The following SLC4A10 variants were observed in gnomAD, a reference collection of about 807,000 sequenced individuals.
SLC4A10 encodes solute carrier family 4 member 10.
Under a neutral mutation model 137.7 loss-of-function variants are expected in SLC4A10, and 42 were observed. The observed-to-expected ratio is 0.30, with a 90% CI of 0.24 to 0.39. The LOEUF (loss-of-function observed/expected upper bound fraction) is 0.39. Ranked by LOEUF, SLC4A10 falls within the 10% of genes least tolerant of loss-of-function variation. SLC4A10 has a pLI of 1.00. For missense variants in SLC4A10, 925 were observed against 1,355.0 expected, an observed-to-expected ratio of 0.68 and a Z score of 4.98; for synonymous variants, 474 against 464.1, an observed-to-expected ratio of 1.02 and a Z score of -0.27.
intron 15 of SLC4A10, chr2:161,931,103 G>C (rs964353191): frequency 3.3e-5 from 5 of 152,120 alleles, no homozygotes; most frequent in African/African-American, 1.2e-4. Flanking sequence ...GCTAATTTTT[G>C]TATTTTCAGC....
chr2:161,701,942 T>C (rs1434632219), intron 1 of SLC4A10, among the ~76,000 whole-genome samples: 1 of 151,942 alleles, frequency 6.6e-6, no homozygotes. Flanking sequence ...GGAATGCTGG[T>C]ACACTGTAAG....
chr2:161,821,593 G>A (rs2057624985), intron 3 of SLC4A10, among the ~76,000 whole-genome samples: 1 of 152,132 alleles, frequency 6.6e-6, no homozygotes, highest in Non-Finnish European at 1.5e-5. Flanking sequence ...TTGCACTCCA[G>A]ACTGTGTGAC....
intron 3 of SLC4A10, 47 bp from the exon 4 acceptor site, chr2:161,839,742 G>T (rs72879270): frequency 6.2e-7 from 1 of 1,605,184 alleles, no homozygotes; most frequent in Non-Finnish European, 8.5e-7. Flanking sequence ...TAAGCTCAGG[G>T]TCGTGGTAAT....
intron 1 of SLC4A10, among the ~76,000 whole-genome samples, chr2:161,665,715 AT>A (rs2038960695): frequency 6.6e-6 from 1 of 151,338 alleles, no homozygotes; most frequent in African/African-American, 2.4e-5. Flanking sequence ...AAAATTAATT[AT>A]TTTGCACAAG....
intron 3 of SLC4A10, among the ~76,000 whole-genome samples, chr2:161,821,549 A>G (rs1308137851): frequency 1.3e-5 from 2 of 152,216 alleles, no homozygotes; most frequent in Admixed American, 6.5e-5. Flanking sequence ...GAATTGCTTG[A>G]GCCCAGGAGT....
intron 3 of SLC4A10, among the ~76,000 whole-genome samples, chr2:161,835,265 C>T (rs1471379424): frequency 6.6e-6 from 1 of 152,096 alleles, no homozygotes; most frequent in Non-Finnish European, 1.5e-5. Flanking sequence ...TCTTGAACTC[C>T]TGACCTTGTG....
chr2:161,687,575 C>CTA (rs1033416643), intron 1 of SLC4A10, among the ~76,000 whole-genome samples: 1 of 152,026 alleles, frequency 6.6e-6, no homozygotes, highest in African/African-American at 2.4e-5. Context: ...TCTCTCTATT[C>CTA]TATATACTGT....
At chr2:161,816,774 C>A (rs557346275) in intron 3 of SLC4A10, among the ~76,000 whole-genome samples, 2 of 152,022 alleles carry the variant, frequency 1.3e-5, no homozygotes, top group Non-Finnish European at 2.9e-5. Flanking sequence ...ATGATGGTTT[C>A]CAGCTTCATC....
At chr2:161,969,270 A>G (rs1559653149) in intron 23 of SLC4A10, among the ~76,000 whole-genome samples, 1 of 152,214 alleles carries the variant, frequency 6.6e-6, no homozygotes, top group Non-Finnish European at 1.5e-5. Context: ...CAGAATAAAT[A>G]GCTACACAGG....
intron 15 of SLC4A10, among the ~76,000 whole-genome samples, chr2:161,939,813 T>C (rs1692344986): frequency 6.6e-6 from 1 of 152,072 alleles, no homozygotes; most frequent in Admixed American, 6.5e-5. Flanking sequence ...TCTATAAACA[T>C]AGAATGTAAA....
intron 3 of SLC4A10, among the ~76,000 whole-genome samples, chr2:161,823,050 T>G (rs2057755768): frequency 6.6e-6 from 1 of 152,084 alleles, no homozygotes. Flanking sequence ...ATAAACTGCA[T>G]AGCCTAGAAA....
intron 10 of SLC4A10, among the ~76,000 whole-genome samples, chr2:161,885,524 T>TGG (rs2062193330): frequency 6.6e-6 from 1 of 152,226 alleles, no homozygotes; most frequent in Non-Finnish European, 1.5e-5. Context: ...CAGGGTTCAA[T>TGG]AAATCTTTAG....
chr2:161,756,327 T>C (rs2049642995), intron 1 of SLC4A10, among the ~76,000 whole-genome samples: 1 of 152,194 alleles, frequency 6.6e-6, no homozygotes, highest in Admixed American at 6.5e-5. Flanking sequence ...TTAAACTATA[T>C]GATATTAACC....
intron 3 of SLC4A10, 92 bp from the exon 4 acceptor site, chr2:161,839,697 T>G (rs1459985297): frequency 7.0e-7 from 1 of 1,435,760 alleles, no homozygotes; most frequent in East Asian, 2.3e-5. Flanking sequence ...TGGTGCGAGC[T>G]TGGGGTGGTG....
intron 15 of SLC4A10, among the ~76,000 whole-genome samples, chr2:161,911,121 T>A (rs533951773): frequency 3.3e-5 from 5 of 152,094 alleles, no homozygotes; most frequent in Non-Finnish European, 2.9e-5. Flanking sequence ...TGATACTTAA[T>A]GTATACTGAT....
chr2:161,632,548 T>C (rs1484456709), intron 1 of SLC4A10, among the ~76,000 whole-genome samples: 1 of 151,660 alleles, frequency 6.6e-6, no homozygotes, highest in Non-Finnish European at 1.5e-5. Flanking sequence ...TAAATGTCTG[T>C]TAAAAACATG....
chr2:161,775,116 A>G (rs1404436595), intron 2 of SLC4A10, among the ~76,000 whole-genome samples: 1 of 151,894 alleles, frequency 6.6e-6, no homozygotes, highest in Non-Finnish European at 1.5e-5. Context: ...TTAAAGGCCT[A>G]AATTATGTGT....
At chr2:161,663,276 C>CA (rs2038660903) in intron 1 of SLC4A10, among the ~76,000 whole-genome samples, 1 of 152,050 alleles carries the variant, frequency 6.6e-6, no homozygotes, top group East Asian at 1.9e-4. Flanking sequence ...ACCAAACACA[C>CA]AAAAAACAAA....
intron 23 of SLC4A10, among the ~76,000 whole-genome samples, chr2:161,966,374 A>G (rs1697580292): frequency 1.3e-5 from 2 of 152,192 alleles, no homozygotes; most frequent in Non-Finnish European, 2.9e-5. Context: ...ATTAATGTTA[A>G]CACAAAAAAT....
Sources: allele counts gnomAD v4.1 joint callset (sites outside exome capture counted in the v4.1 genomes callset), GRCh38; gene constraint gnomAD v4.1.1; transcripts MANE v1.5; gene names NCBI Gene and HGNC (gene_info 2026-07-23, HGNC 2026-07-21).